LZTR1: variants seen among roughly 807,000 people sequenced by gnomAD.
LZTR1 encodes the protein leucine-zipper-like transcriptional regulator 1.
A neutral mutation model predicts 105.7 loss-of-function variants in LZTR1; 260 were observed. The ratio of observed to expected loss-of-function variants is 2.46; its 90% CI spans 2.22 to 2.72. The LOEUF (loss-of-function observed/expected upper bound fraction) is 2.72. Among genes scored for constraint, LZTR1 ranks in the 30% most tolerant of loss-of-function variants. The pLI is 0.00. For synonymous variants in LZTR1, 490 were observed against 476.4 expected (o/e 1.03, Z -0.37); for missense variants, 1,214 against 1,166.9 (o/e 1.04, Z -0.59).
At chr22:20,984,637 C>T in intron 2 of LZTR1, among the ~76,000 whole-genome samples, 1 of 147,748 alleles carries the variant, frequency 6.8e-6, no homozygotes, top group Non-Finnish European at 1.5e-5. Context: ...GTATCACAAT[C>T]ACCACCAGCT....
At chr22:20,987,388 CAAAAA>C (rs58365624) in intron 3 of LZTR1, 111 bp from the exon 4 acceptor site, 63 of 530,964 alleles carry the variant, frequency 1.2e-4, no homozygotes, top group African/African-American at 1.2e-3. Context: ...GACTCCGTCT[CAAAAA>C]AAAAAAAAAA....
intron 3 of LZTR1, chr22:20,986,564 G>A (rs2147960525): frequency 6.6e-6 from 1 of 152,342 alleles, no homozygotes; most frequent in Non-Finnish European, 1.5e-5. Flanking sequence ...TGATAGGTAG[G>A]TAGATTAGAT....
chr22:20,994,237 T>A lies in LZTR1; in HGVS notation c.1583T>A (p.Leu528His). The change falls in exon 14 of 21, where the codon CTC becomes CAC. Residue 528 changes from leucine to histidine, a missense_variant. Leu to His is a moderately conservative substitution (Grantham distance 99). Transcript: ENST00000646124. ...CCCTTCGAGGTGCTCATGCAGTTCC[T>A]CTACACCGACAAGATCAAATACCCA... ...ARPFEVLMQFLYTDKIKYPRK... is the reference protein window; with the variant it reads ...ARPFEVLMQFHYTDKIKYPRK... 1 of 1,599,764 alleles carries A rather than the reference T, an allele frequency of 6.3e-7. No homozygotes were observed.
At position 20,996,926 on chromosome 22, in the gene LZTR1, A is replaced by G. The variant is rs1370157440; in HGVS notation, c.2366A>G (p.Lys789Arg). The G allele has an allele frequency of 1.2e-6, 2 of 1,613,510 alleles. No individual in the cohort carries two copies. Among genetic ancestry groups the G allele is most frequent in the South Asian group, 2.2e-5 (2 of 91,064 alleles). Reference sequence around the variant, plus strand: ...GACAAAACGCAGGCACTGGACATGAAGCGGCACTGCCTGCACATCATTGTG... The same window carrying G: ...GACAAAACGCAGGCACTGGACATGAGGCGGCACTGCCTGCACATCATTGTG... ...AADKTQALDMKRHCLHIIVHQ... is the reference protein window; with the variant it reads ...AADKTQALDMRRHCLHIIVHQ... Residue 789 changes from lysine (K) to arginine (R), a missense_variant, in exon 20 of 21, where the codon AAG becomes AGG. Coordinates refer to ENST00000646124, the MANE Select transcript of LZTR1 (RefSeq NM_006767.4).
In LZTR1 at chr22:20,994,732, G is replaced by A. The variant is rs1359845066; in HGVS notation, c.1785+5G>A. 1 of 1,611,194 alleles carries A rather than the reference G, an allele frequency of 6.2e-7. No homozygotes were observed. Among genetic ancestry groups the A allele is most frequent in the Non-Finnish European group, 8.5e-7 (1 of 1,179,914 alleles). On this transcript the variant is annotated splice_donor_5th_base_variant and intron_variant, in intron 15 of 20. Transcript: ENST00000646124. ...CTGCAGCTGAGCCAACTCAAGGTGTGGGGTGGGGTCAGCGCAATCAGGGTT... is the reference window on the plus strand; with the variant it reads ...CTGCAGCTGAGCCAACTCAAGGTGTAGGGTGGGGTCAGCGCAATCAGGGTT...
chr22:20,982,622 G>A (rs1383565210), intron 1 of LZTR1, 51 bp downstream of exon 1: 1 of 1,572,678 alleles, frequency 6.4e-7, no homozygotes, highest in Non-Finnish European at 8.7e-7. Context: ...ATCTGCGAGG[G>A]TCCCAGGGCG....
chr22:20,985,823 C>T lies in LZTR1; in HGVS notation c.264-18C>T. The T allele has an allele frequency of 6.2e-7, 1 of 1,613,918 alleles. No individual in the cohort carries two copies. The highest frequency in any genetic ancestry group is 8.5e-7 in the Non-Finnish European group (1 of 1,179,872). On this transcript the variant is annotated intron_variant, in intron 2 of 20. Coordinates refer to ENST00000646124, the MANE Select transcript of LZTR1 (RefSeq NM_006767.4). The stretch of plus-strand genomic sequence containing the variant: ...GTAGACCTGGCTAATGCCACCCTCT[C>T]TTCCGGCTGCCTTTCAGGAAGACCA...
Position 20,994,940 on chromosome 22 carries a change from G to C in LZTR1, c.1856G>C (p.Arg619Pro). The C allele has an allele frequency of 6.2e-7, 1 of 1,613,332 alleles. No individual in the cohort carries two copies. Among genetic ancestry groups the C allele is most frequent in the Non-Finnish European group, 8.5e-7 (1 of 1,179,994 alleles). Residue 619 changes from arginine to proline, a missense_variant, in exon 16 of 21, where the codon CGC becomes CCC. Transcript: ENST00000646124. ...NQVIMMKEFE[R>P]LSSPLIVEIV... ...GTGATCATGATGAAGGAGTTCGAGCGCCTCTCCTCTCCACTGATAGTGGAG... is the reference window on the plus strand; with the variant it reads ...GTGATCATGATGAAGGAGTTCGAGCCCCTCTCCTCTCCACTGATAGTGGAG...
intron 18 of LZTR1, 157 bp downstream of exon 18, chr22:20,996,269 C>A: frequency 1.3e-6 from 1 of 787,636 alleles, no homozygotes; most frequent in Non-Finnish European, 2.0e-6. Context: ...GGGCCTGGTG[C>A]TCTCTGAAGC....
chr22:20,993,670 T>A lies in LZTR1; in HGVS notation c.1269T>A (p.Cys423Ter). The change falls in exon 12 of 21, where the codon TGT (cysteine) becomes TGA (stop). Residue 423 changes from cysteine (C) to a stop codon, truncating the protein, a stop_gained. Transcript: ENST00000646124. LOFTEE classifies it high-confidence loss of function. The part of the protein sequence containing the change: ...SGEMYRFQFS[C>*]YPKCTLHEDY... ...CTGGGCCCCTCTTGCAGTTCTCCTG[T>A]TACCCTAAATGCACGCTGCACGAGG... 6.2e-7 allele frequency: 1 copy of A among 1,613,326 alleles called. No homozygotes were observed. The highest frequency in any genetic ancestry group is 8.5e-7 in the Non-Finnish European group (1 of 1,179,782).
chr22:20,996,960 CA>C lies in LZTR1; in HGVS notation c.2401del (p.Thr801ProfsTer12). 6.2e-7 allele frequency: 1 copy of C among 1,613,712 alleles called. No individual in the cohort carries two copies. Among genetic ancestry groups the C allele is most frequent in the Non-Finnish European group, 8.5e-7 (1 of 1,179,958 alleles). ...HCLHIIVHQF[T>X]KVSKLPTLRS... ...GCCTGCACATCATTGTGCACCAGTT[CA>C]CCAAGGTCAGGGCTCTGGCCTCCCC... On this transcript the variant is annotated frameshift_variant, in exon 20 of 21. Coordinates refer to ENST00000646124, the MANE Select transcript of LZTR1 (RefSeq NM_006767.4). LOFTEE classifies it high-confidence loss of function.
chr22:20,988,234 G>C (rs1924471353), intron 5 of LZTR1, 116 bp downstream of exon 5: 1 of 665,378 alleles, frequency 1.5e-6, no homozygotes, highest in South Asian at 1.8e-5. Flanking sequence ...ATAGCAGGGA[G>C]CTTGGGATTG....
chr22:20,982,525 C>T lies in LZTR1; in HGVS notation c.154C>T (p.His52Tyr). 2 of 1,613,154 alleles carry T rather than the reference C, an allele frequency of 1.2e-6. No homozygotes were observed. Among genetic ancestry groups the T allele is most frequent in the East Asian group, 4.5e-5 (2 of 44,874 alleles). Residue 52 changes from histidine to tyrosine, a missense_variant, in exon 1 of 21, where the codon CAT becomes TAT. By Grantham distance (83) the His-to-Tyr change is moderately conservative (BLOSUM62 2). Transcript: ENST00000646124. Reference protein sequence around the residue: ...TLNFGPFETVHRWRRLPPCDE... With the variant: ...TLNFGPFETVYRWRRLPPCDE... Reference sequence around the variant, plus strand: ...CAACTTCGGGCCCTTCGAAACAGTGCATCGCTGGCGGCGCCTCCCGCCCTG... The same window carrying T: ...CAACTTCGGGCCCTTCGAAACAGTGTATCGCTGGCGGCGCCTCCCGCCCTG...
intron 9 of LZTR1, 130 bp downstream of exon 9, chr22:20,991,959 A>G: frequency 3.3e-6 from 3 of 918,906 alleles, no homozygotes; most frequent in Non-Finnish European, 4.8e-6. Context: ...AGGCCAGGAC[A>G]CCTGGGCCTC....
At chr22:20,987,670 C>A in intron 4 of LZTR1, 87 bp downstream of exon 4, 1 of 1,236,712 alleles carries the variant, frequency 8.1e-7, no homozygotes, top group East Asian at 2.3e-5. Context: ...CATTTGTGCT[C>A]GTGCTGTGTA....
Position 20,993,646 on chromosome 22 carries a change from T to G in LZTR1, c.1261-16T>G. 1 of 1,609,402 alleles carries G rather than the reference T, an allele frequency of 6.2e-7. No individual in the cohort carries two copies. The highest frequency in any genetic ancestry group is 8.5e-7 in the Non-Finnish European group (1 of 1,176,852). On this transcript the variant is annotated splice_polypyrimidine_tract_variant and intron_variant, in intron 11 of 20. Transcript: ENST00000646124. ...TGCTGTCTGCAACATCTAGTCTCAC[T>G]GGGCCCCTCTTGCAGTTCTCCTGTT...
intron 18 of LZTR1, 56 bp from the exon 19 acceptor site, chr22:20,996,640 C>T (rs937488218): frequency 1.3e-6 from 2 of 1,486,476 alleles, no homozygotes; most frequent in Non-Finnish European, 1.9e-6. Context: ...CTGTCCTTCC[C>T]TGGGAGGGTG....
chr22:20,992,576 AC>A (rs1443666139), intron 10 of LZTR1: 2 of 664,116 alleles, frequency 3.0e-6, no homozygotes, highest in Non-Finnish European at 5.1e-6. Context: ...AAGTGCCCTG[AC>A]CACTCTGAGG....
intron 16 of LZTR1, chr22:20,995,426 G>A (rs766845746): frequency 1.4e-5 from 9 of 626,312 alleles, no homozygotes; most frequent in Non-Finnish European, 2.1e-5. Context: ...GCTGGCTCTT[G>A]GTGATGTCTG....
Sources: gnomAD v4.1 joint callset for allele counts (sites outside exome capture counted in the v4.1 genomes callset) on GRCh38, gnomAD v4.1.1 for gene constraint, MANE v1.5 for transcripts, NCBI Gene and HGNC (gene_info 2026-07-23, HGNC 2026-07-21) for gene names.